Variants in TOP2B observed in about 807,000 individuals in gnomAD.
TOP2B encodes the protein DNA topoisomerase 2-beta.
In TOP2B, 51 loss-of-function variants were observed where a neutral mutation model predicts 193.5. That is an observed-to-expected ratio of 0.26 (90% CI 0.21 to 0.33). TOP2B has a LOEUF of 0.33. Ranked by LOEUF, TOP2B falls within the 10% of genes least tolerant of loss-of-function variation. The pLI is 1.00. For synonymous variants in TOP2B, 634 were observed against 635.7 expected (o/e 1.00, Z 0.04); for missense variants, 1,378 against 1,909.3 (o/e 0.72, Z 5.19).
At chr3:25,644,146 A>G (rs1362760233) in intron 2 of TOP2B, among the ~76,000 whole-genome samples, 1 of 152,002 alleles carries the variant, frequency 6.6e-6, no homozygotes, top group Non-Finnish European at 1.5e-5. Context: ...AAATAATACG[A>G]ACAAAGCAAG....
intron 1 of TOP2B, among the ~76,000 whole-genome samples, chr3:25,653,551 C>T (rs1213858504): frequency 6.6e-6 from 1 of 151,988 alleles, no homozygotes; most frequent in African/African-American, 2.4e-5. Context: ...ACAACCCCTG[C>T]CCCAAGTAGC....
In TOP2B at chr3:25,627,216, C is replaced by A; in HGVS notation, c.1987G>T (p.Gly663Cys). Residue 663 changes from glycine to cysteine, a missense_variant, in exon 16 of 36, where the codon GGT becomes TGT. Coordinates refer to ENST00000264331, the MANE Select transcript of TOP2B (RefSeq NM_001330700.2). ...ERHRILFRYA[G>C]PEDDAAITLA... ...GTAATGGCAGCATCATCTTCAGGAC[C>A]AGCATATCTAAACAAGATGCGATGC... The A allele has an allele frequency of 6.2e-7, 1 of 1,608,110 alleles. No individual in the cohort carries two copies. Among genetic ancestry groups the A allele is most frequent in the Non-Finnish European group, 8.5e-7 (1 of 1,178,026 alleles).
chr3:25,618,919 C>T, intron 23 of TOP2B, 70 bp from the exon 24 acceptor site: 5 of 1,172,356 alleles, frequency 4.3e-6, no homozygotes, highest in Non-Finnish European at 4.7e-6. Flanking sequence ...ATAACATCTA[C>T]AATACTTAAA....
intron 25 of TOP2B, among the ~76,000 whole-genome samples, chr3:25,616,190 T>C (rs1386397695): frequency 6.6e-6 from 1 of 151,916 alleles, no homozygotes; most frequent in Non-Finnish European, 1.5e-5. Context: ...CATCAGGCCC[T>C]TGTCTATAGA....
intron 1 of TOP2B, among the ~76,000 whole-genome samples, chr3:25,647,248 A>C (rs1197026533): frequency 6.6e-6 from 1 of 152,186 alleles, no homozygotes; most frequent in Admixed American, 6.5e-5. Context: ...CAGTGACGTT[A>C]ATTTATAGAA....
chr3:25,628,808 A>T lies in TOP2B; in HGVS notation c.1906+39T>A, dbSNP rs745839475. On this transcript the variant is annotated intron_variant, in intron 15 of 35. Coordinates refer to ENST00000264331, the MANE Select transcript of TOP2B (RefSeq NM_001330700.2). ...AGATTGCTTTCATAAGAATACATTTATATCAGTATTTAAAATCTAAGTATT... is the reference window on the plus strand; with the variant it reads ...AGATTGCTTTCATAAGAATACATTTTTATCAGTATTTAAAATCTAAGTATT... 4.1e-6 allele frequency: 5 copies of T among 1,211,722 alleles called. No homozygotes were observed. In the South Asian group the frequency reaches 7.2e-5, roughly 17 times the overall value. The allele number at this position is 1,211,722 out of a possible 1,614,324, so 75.1% of individuals were successfully genotyped here.
intron 31 of TOP2B, 32 bp from the exon 32 acceptor site, chr3:25,606,154 T>C: frequency 9.4e-7 from 1 of 1,067,368 alleles, no homozygotes; most frequent in East Asian, 2.7e-5. Context: ...CCACAGAGGA[T>C]ACAATTTAAA....
intron 1 of TOP2B, among the ~76,000 whole-genome samples, chr3:25,651,407 A>G (rs1343694271): frequency 6.6e-6 from 1 of 151,808 alleles, no homozygotes; most frequent in Non-Finnish European, 1.5e-5. Context: ...TGTAGAATAT[A>G]CACAAAGAGA....
intron 15 of TOP2B, among the ~76,000 whole-genome samples, chr3:25,627,660 CTTCT>C (rs1702841018): frequency 6.6e-6 from 1 of 152,154 alleles, no homozygotes; most frequent in African/African-American, 2.4e-5. Flanking sequence ...AACAACCCAA[CTTCT>C]TTAACAAATA....
intron 1 of TOP2B, among the ~76,000 whole-genome samples, chr3:25,651,914 A>T (rs1482743048): frequency 1.3e-5 from 2 of 152,070 alleles, no homozygotes; most frequent in African/African-American, 4.8e-5. Context: ...TAGATTGGCC[A>T]ATGGAATAAA....
chr3:25,664,256 G>A lies in TOP2B; in HGVS notation c.42C>T (p.Gly14=). The change falls in exon 1 of 36, where the codon GGC becomes GGT. Residue 14 remains glycine, a synonymous_variant. Transcript: ENST00000264331. ...SGGCGAGAGV[G]GGNGALTWVT... ...CCCAGGTCAGTGCCCCGTTGCCGCC[G>A]CCCACGCCGGCTCCCGCGCCGCAGC... The A allele has an allele frequency of 6.5e-7, 1 of 1,537,106 alleles. No homozygotes were observed.
Position 25,643,794 on chromosome 3 carries a change from A to G in TOP2B, c.241-10T>C. 6.2e-7 allele frequency: 1 copy of G among 1,605,402 alleles called. No homozygotes were observed. Among genetic ancestry groups the G allele is most frequent in the Non-Finnish European group, 8.5e-7 (1 of 1,173,464 alleles). ...CATACACCCACATGAACTGCATTGA[A>G]AAATTCAAAAAAAATTTTACTCAAT... On this transcript the variant is annotated splice_polypyrimidine_tract_variant and intron_variant, in intron 2 of 35. Transcript: ENST00000264331.
intron 1 of TOP2B, among the ~76,000 whole-genome samples, chr3:25,657,251 C>A (rs1703773239): frequency 6.6e-6 from 1 of 152,098 alleles, no homozygotes; most frequent in African/African-American, 2.4e-5. Flanking sequence ...GTCCAGGTCA[C>A]TAAAAATCAA....
chr3:25,634,799 C>CAAAAAAAAAAAAAA (rs1224120357), intron 7 of TOP2B, among the ~76,000 whole-genome samples: 1 of 96,444 alleles, frequency 1.0e-5, no homozygotes, highest in Non-Finnish European at 2.0e-5. Context: ...AAAAAAAAAC[C>CAAAAAAAAAAAAAA]AAAAAAAGGC....
intron 35 of TOP2B, 136 bp downstream of exon 35, chr3:25,599,299 C>T: frequency 1.4e-6 from 1 of 692,656 alleles, no homozygotes; most frequent in South Asian, 2.1e-5. Flanking sequence ...AATTTCTTAA[C>T]CAAATACAAG....
chr3:25,630,176 TGA>T (rs1575575226), intron 12 of TOP2B, 22 bp from the exon 13 acceptor site: 6 of 1,534,680 alleles, frequency 3.9e-6, no homozygotes, highest in Non-Finnish European at 5.3e-6. Flanking sequence ...GGAAAAGCAC[TGA>T]GAGTAGTTTG....
At position 25,607,335 on chromosome 3, in the gene TOP2B, CTCT is replaced by C. The variant is rs754798424; in HGVS notation, c.4131_4133del (p.Glu1378del). On this transcript the variant is annotated inframe_deletion, in exon 31 of 36. Transcript: ENST00000264331. ...CATCATCATCATCAGCATCATCATC[CTCT>C]TCTTCTGAGAAATCAAATGTGTATT... is the stretch of plus-strand genomic sequence containing the variant. The C allele has an allele frequency of 7.1e-6, 11 of 1,551,896 alleles. No individual in the cohort carries two copies. The highest frequency in any genetic ancestry group is 1.7e-4 in the Middle Eastern group (1 of 5,986).
chr3:25,628,882 T>C lies in TOP2B; in HGVS notation c.1871A>G (p.Glu624Gly). Residue 624 changes from glutamate to glycine, a missense_variant, in exon 15 of 36, where the codon GAA becomes GGA. By Grantham distance (98) the Glu-to-Gly change is moderately conservative (BLOSUM62 -2). Around this residue, in one of 9 missense-constraint regions of TOP2B, gnomAD observed 379 missense variants for 615.1 expected, o/e 0.62. Coordinates refer to ENST00000264331, the MANE Select transcript of TOP2B (RefSeq NM_001330700.2). ...CTTTATTTTCCAGGCTTTCTGGTTT[T>C]CTATATGTTTTTTCCATTCGTCAAA... ...PEFDEWKKHI[E>G]NQKAWKIKYY... is the part of the protein sequence containing the mutation. 2 of 1,592,436 alleles carry C rather than the reference T, an allele frequency of 1.3e-6. No individual in the cohort carries two copies. The highest frequency in any genetic ancestry group is 1.7e-6 in the Non-Finnish European group (2 of 1,172,632).
At position 25,643,733 on chromosome 3, in the gene TOP2B, A is replaced by G. The variant is rs1184486100; in HGVS notation, c.292T>C (p.Phe98Leu). The change falls in exon 3 of 36, where the codon TTT (phenylalanine) becomes CTT (leucine). Residue 98 changes from phenylalanine to leucine, a missense_variant. This residue lies in a region of TOP2B where 35 missense variants were observed against 85.8 expected (regional missense o/e 0.41). Coordinates refer to ENST00000264331, the MANE Select transcript of TOP2B (RefSeq NM_001330700.2). ...DVGMNCREVT[F>L]VPGLYKIFDE... The stretch of plus-strand genomic sequence containing the variant: ...AAGATCTTGTATAAACCTGGCACAA[A>G]GGTAACCTCCCTGCAATTCATTCCT... 3.1e-6 allele frequency: 5 copies of G among 1,613,352 alleles called. No individual in the cohort carries two copies. In the African/African-American group the frequency reaches 6.7e-5, roughly 22 times the overall value.
Sources: gnomAD v4.1 joint callset for allele counts (sites outside exome capture counted in the v4.1 genomes callset) on GRCh38, gnomAD v4.1.1 for gene constraint, gnomAD v4.1.1 regional missense constraint, MANE v1.5 for transcripts, NCBI Gene and HGNC (gene_info 2026-07-23, HGNC 2026-07-21) for gene names.